The following OPRM1 variants were observed in gnomAD, a reference collection of about 807,000 sequenced individuals.
OPRM1 encodes the protein mu-type opioid receptor.
OPRM1 carries 27 observed loss-of-function variants against 31.8 expected under a neutral mutation model. That is an observed-to-expected ratio of 0.85 (90% confidence interval 0.63 to 1.17). OPRM1 has a LOEUF of 1.17. Among genes scored for constraint, OPRM1 ranks in the 50% most tolerant of loss-of-function variants. The pLI, the probability that OPRM1 is intolerant of heterozygous loss-of-function variation, is 0.00. For missense variants in OPRM1, 536 were observed against 511.1 expected (o/e 1.05, Z -0.47); for synonymous variants, 196 against 189.9 (o/e 1.03, Z -0.26).
At chr6:154,102,671 A>G (rs1390186110) in intron 3 of OPRM1, among the ~76,000 whole-genome samples, 2 of 152,160 alleles carry the variant, frequency 1.3e-5, no homozygotes, top group Admixed American at 1.3e-4. Context: ...TGATGCCAAA[A>G]TGCCTCCAGA....
chr6:154,229,466 C>T (rs1779548747), intron 3 of OPRM1, among the ~76,000 whole-genome samples: 1 of 151,136 alleles, frequency 6.6e-6, no homozygotes, highest in African/African-American at 2.4e-5. Flanking sequence ...TCTCCCGCCT[C>T]AGCCTCCCGA....
chr6:154,220,766 G>T (rs150680962), intron 3 of OPRM1, among the ~76,000 whole-genome samples: 148 of 152,332 alleles, frequency 9.7e-4, no homozygotes, highest in African/African-American at 3.4e-3. Context: ...CCTGGAAATG[G>T]AGCTAGGGAT....
intron 3 of OPRM1, among the ~76,000 whole-genome samples, chr6:154,186,076 G>A (rs1256736627): frequency 1.3e-5 from 2 of 152,084 alleles, no homozygotes; most frequent in Non-Finnish European, 2.9e-5. Flanking sequence ...CTCTCCCCAG[G>A]TGATCTCAAT....
chr6:154,208,314 A>G (rs1343169649), intron 3 of OPRM1, among the ~76,000 whole-genome samples: 1 of 152,102 alleles, frequency 6.6e-6, no homozygotes, highest in Non-Finnish European at 1.5e-5. Flanking sequence ...TTTGCTTGGA[A>G]AACTTTTCCC....
chr6:154,199,836 G>A (rs1258573842), intron 3 of OPRM1: 4 of 1,614,184 alleles, frequency 2.5e-6, no homozygotes, highest in African/African-American at 1.3e-5. Flanking sequence ...GAGGGTACAG[G>A]TGAATGAACT....
intron 3 of OPRM1, among the ~76,000 whole-genome samples, chr6:154,166,313 C>T (rs934975971): frequency 1.3e-5 from 2 of 152,184 alleles, no homozygotes; most frequent in South Asian, 2.1e-4. Context: ...GGCATGGTGC[C>T]GTAAAGATCT....
chr6:154,039,969 A>G (rs1394720195), intron 1 of OPRM1, 135 bp downstream of exon 1: 1 of 653,322 alleles, frequency 1.5e-6, no homozygotes, highest in Non-Finnish European at 2.5e-6. Context: ...TCTGGAGGAG[A>G]CCACGGACAG....
chr6:154,069,516 C>G (rs994096892), intron 1 of OPRM1, among the ~76,000 whole-genome samples: 1 of 152,196 alleles, frequency 6.6e-6, no homozygotes, highest in Non-Finnish European at 1.5e-5. Context: ...GGATTACAGG[C>G]ATGAGCCACC....
intron 1 of OPRM1, among the ~76,000 whole-genome samples, chr6:154,027,469 C>A (rs911128279): frequency 6.6e-6 from 1 of 152,170 alleles, no homozygotes; most frequent in African/African-American, 2.4e-5. Flanking sequence ...CCTGCTATAA[C>A]AATTCCCTGG....
At chr6:154,100,105 ATATAT>A (rs1296726496) in intron 3 of OPRM1, among the ~76,000 whole-genome samples, 3 of 80,362 alleles carry the variant, frequency 3.7e-5, no homozygotes, top group African/African-American at 1.5e-4. Context: ...ATTATGATAT[ATATAT>A]TATATATTAT....
chr6:154,225,308 A>G (rs962970122), intron 3 of OPRM1, among the ~76,000 whole-genome samples: 1 of 152,234 alleles, frequency 6.6e-6, no homozygotes, highest in Non-Finnish European at 1.5e-5. Flanking sequence ...CTGTTCACAA[A>G]GCACTCACAA....
At chr6:154,135,060 C>T (rs1798021665), downstream of OPRM1, among the ~76,000 whole-genome samples, 1 of 152,206 alleles carries the variant, frequency 6.6e-6, no homozygotes, top group Non-Finnish European at 1.5e-5. Flanking sequence ...AGTCCGCATT[C>T]TAACAACGCT....
intron 3 of OPRM1, chr6:154,212,978 T>C (rs1583813643): frequency 1.4e-6 from 1 of 703,456 alleles, no homozygotes; most frequent in East Asian, 2.7e-5. Context: ...AGTTCATATC[T>C]AATGAACTAC....
At chr6:154,107,396 C>G in intron 3 of OPRM1, 1 of 696,348 alleles carries the variant, frequency 1.4e-6, no homozygotes, top group South Asian at 1.6e-5. Context: ...AAATTTCAGA[C>G]AGTCCGCAGA....
intron 3 of OPRM1, among the ~76,000 whole-genome samples, chr6:154,203,209 C>G (rs1054188119): frequency 1.9e-4 from 29 of 152,170 alleles, no homozygotes; most frequent in African/African-American, 7.0e-4. Flanking sequence ...CAGTGCTAGT[C>G]TCTCCTCTCC....
At chr6:154,245,794 C>T (rs944178261) in intron 3 of OPRM1, among the ~76,000 whole-genome samples, 23 of 152,168 alleles carry the variant, frequency 1.5e-4, no homozygotes, top group Admixed American at 1.3e-3. Context: ...GAGCATTCCT[C>T]CTTGGAAACG....
At chr6:154,220,641 A>T (rs1283000643) in intron 3 of OPRM1, among the ~76,000 whole-genome samples, 5 of 152,136 alleles carry the variant, frequency 3.3e-5, no homozygotes, top group Non-Finnish European at 7.4e-5. Flanking sequence ...GACTGTCTCA[A>T]AAATAAATAA....
At chr6:154,136,967 C>A (rs1046635967), downstream of OPRM1, among the ~76,000 whole-genome samples, 3 of 152,162 alleles carry the variant, frequency 2.0e-5, no homozygotes, top group Admixed American at 6.5e-5. Context: ...TAATAATGAT[C>A]TTGTGAACAT....
chr6:154,152,928 A>G (rs1322728851), intron 3 of OPRM1, among the ~76,000 whole-genome samples: 1 of 148,878 alleles, frequency 6.7e-6, no homozygotes, highest in Non-Finnish European at 1.5e-5. Flanking sequence ...TTAAAGAGAC[A>G]GGGTCTCATT....
Sources: allele counts gnomAD v4.1 joint callset (sites outside exome capture counted in the v4.1 genomes callset), GRCh38; gene constraint gnomAD v4.1.1; transcripts MANE v1.5; gene names NCBI Gene and HGNC (gene_info 2026-07-23, HGNC 2026-07-21).